Variants in IFT122 observed in about 807,000 individuals in gnomAD.
The protein encoded by IFT122 is intraflagellar transport 122.
In IFT122, 118 loss-of-function variants were observed where a neutral mutation model predicts 161.6. That is an observed-to-expected ratio of 0.73 (90% confidence interval 0.63 to 0.85). The LOEUF (loss-of-function observed/expected upper bound fraction) is 0.85, where lower values mean the gene tolerates loss of function less well. Ranked by LOEUF, IFT122 falls within the 40% of genes least tolerant of loss-of-function variation. The probability of loss-of-function intolerance (pLI) is 0.00; values close to 1 mark genes in which losing one functional copy is unlikely to be tolerated. For synonymous variants in IFT122, 550 were observed against 602.4 expected (o/e 0.91, Z 1.27); for missense variants, 1,381 against 1,579.6 (o/e 0.87, Z 2.13).
At chr3:129,480,603 T>TG (rs1393693343) in intron 13 of IFT122, among the ~76,000 whole-genome samples, 1 of 152,166 alleles carries the variant, frequency 6.6e-6, no homozygotes, top group African/African-American at 2.4e-5. Flanking sequence ...TCACAGGGCA[T>TG]GAGAGCAGTG....
chr3:129,493,839 C>T (rs1300491419), intron 17 of IFT122, among the ~76,000 whole-genome samples: 1 of 152,188 alleles, frequency 6.6e-6, no homozygotes, highest in East Asian at 1.9e-4. Flanking sequence ...TATTACTTGT[C>T]ACATCTTACT....
chr3:129,492,911 C>T (rs138482462), intron 17 of IFT122, among the ~76,000 whole-genome samples: 21 of 151,646 alleles, frequency 1.4e-4, no homozygotes, highest in African/African-American at 5.1e-4. Context: ...ATAGACCTCC[C>T]AGGCTCAAAT....
chr3:129,441,259 C>G (rs963946190), intron 1 of IFT122, among the ~76,000 whole-genome samples: 4 of 152,164 alleles, frequency 2.6e-5, no homozygotes, highest in African/African-American at 9.7e-5. Flanking sequence ...TTGGTTCTGT[C>G]CCTTCTGAGA....
At chr3:129,484,521 A>G (rs1323457506) in intron 15 of IFT122, among the ~76,000 whole-genome samples, 1 of 152,204 alleles carries the variant, frequency 6.6e-6, no homozygotes, top group Non-Finnish European at 1.5e-5. Flanking sequence ...CACTGCAAAT[A>G]CTTTTCATGA....
At chr3:129,514,333 G>A (rs1457547894) in intron 24 of IFT122, 56 bp from the exon 25 acceptor site, 2 of 1,595,040 alleles carry the variant, frequency 1.3e-6, no homozygotes, top group African/African-American at 2.7e-5. Flanking sequence ...AGGACAGGCA[G>A]TGCCAGCTCC....
At position 129,502,769 on chromosome 3, in the gene IFT122, G is replaced by A. The variant is rs201800117; in HGVS notation, c.2434G>A (p.Ala812Thr). ...KAEREPLLLC[A>T]TYLKKLDSPG... is the part of the protein sequence containing the mutation. ...TGAGCGCGAGCCCCTGCTGCTGTGC[G>A]CTACCTACCTCAAGAAGCTGGACAG... The change falls in exon 20 of 30, where the codon GCT (alanine) becomes ACT (threonine). Residue 812 changes from alanine (A) to threonine (T), a missense_variant. By Grantham distance (58) the Ala-to-Thr change is moderately conservative. This residue lies in a region of IFT122 where 496 missense variants were observed against 502.5 expected (regional missense o/e 0.99). Transcript: ENST00000348417. 8 of 1,612,372 alleles carry A rather than the reference G, an allele frequency of 5.0e-6. No individual in the cohort carries two copies. Among genetic ancestry groups the A allele is most frequent in the African/African-American group, 2.7e-5 (2 of 74,946 alleles).
At chr3:129,451,492 A>G (rs771046242) in intron 2 of IFT122, among the ~76,000 whole-genome samples, 4 of 152,196 alleles carry the variant, frequency 2.6e-5, no homozygotes, top group Admixed American at 6.5e-5. Flanking sequence ...AATTCTTGGT[A>G]GCAAATATGA....
chr3:129,479,980 C>A, intron 13 of IFT122, 58 bp downstream of exon 13: 3 of 1,604,268 alleles, frequency 1.9e-6, no homozygotes, highest in South Asian at 1.1e-5. Context: ...ACGTGGGTGA[C>A]CCGTCTAGCA....
At position 129,510,902 on chromosome 3, in the gene IFT122, A is replaced by G. The variant is rs1403464664; in HGVS notation, c.2887-1410A>G. On this transcript the variant is annotated intron_variant, in intron 23 of 29. Coordinates refer to ENST00000348417, the MANE Select transcript of IFT122 (RefSeq NM_052989.3). ...CAGTCCCAGTCTAGCAAACAGGACA[A>G]TCCCTCAGGGGAAACGTTTAGAGGC... 7.2e-5 allele frequency among the ~76,000 whole-genome samples: 11 copies of G among 152,338 alleles called. No homozygotes were observed. The South Asian group carries it at 8.3e-4, about 11-fold the overall frequency.
intron 2 of IFT122, among the ~76,000 whole-genome samples, chr3:129,450,387 A>T (rs996227239): frequency 6.6e-6 from 1 of 152,204 alleles, no homozygotes; most frequent in Non-Finnish European, 1.5e-5. Flanking sequence ...TTCAAATAAC[A>T]TAAGCTCCCT....
chr3:129,464,902 C>T lies in IFT122; in HGVS notation c.563+121C>T, dbSNP rs958580938. The T allele has an allele frequency of 2.7e-6, 3 of 1,127,858 alleles. No individual in the cohort carries two copies. In the South Asian group the frequency reaches 3.9e-5, roughly 14 times the overall value. 69.9% of individuals were successfully genotyped at this position (1,127,858 alleles called of 1,614,324 possible). On this transcript the variant is annotated intron_variant, in intron 7 of 29. Transcript: ENST00000348417. ...CTCACTTGAATGGTCTGTTTTAGAA[C>T]CTGTCCCATTTGTATGGATTTTTTT...
At chr3:129,451,125 G>A (rs1577228059) in intron 2 of IFT122, among the ~76,000 whole-genome samples, 2 of 152,016 alleles carry the variant, frequency 1.3e-5, no homozygotes, top group South Asian at 2.1e-4. Flanking sequence ...TAGAGACAGG[G>A]TTGTGCTCTG....
chr3:129,469,301 G>A, intron 8 of IFT122, 41 bp from the exon 9 acceptor site: 7 of 1,521,788 alleles, frequency 4.6e-6, no homozygotes, highest in South Asian at 1.1e-5. Context: ...TCATCAGCAG[G>A]CTGTGGCCCT....
chr3:129,481,609 G>C lies in IFT122; in HGVS notation c.1568G>C (p.Ser523Thr), dbSNP rs751216208. 13 of 1,596,434 alleles carry C rather than the reference G, an allele frequency of 8.1e-6. No homozygotes were observed. Among genetic ancestry groups the C allele is most frequent in the Non-Finnish European group, 1.1e-5 (13 of 1,163,858 alleles). The part of the protein sequence containing the change: ...QATAVRCLDM[S>T]ASRKKLAVVD... ...ACAGCTGTGCGCTGCTTGGACATGAGTGCCTCCCGTAAGAAGCTGGCCGTG... is the reference window on the plus strand; with the variant it reads ...ACAGCTGTGCGCTGCTTGGACATGACTGCCTCCCGTAAGAAGCTGGCCGTG... Residue 523 changes from serine to threonine, a missense_variant, in exon 14 of 30, where the codon AGT (serine) becomes ACT (threonine). Physicochemically the swap from Ser to Thr is moderately conservative, Grantham distance 58. This residue lies in a region of IFT122 where 544 missense variants were observed against 648.0 expected (regional missense o/e 0.84). Coordinates refer to ENST00000348417, the MANE Select transcript of IFT122 (RefSeq NM_052989.3).
At chr3:129,488,978 T>C (rs2079679436) in intron 16 of IFT122, among the ~76,000 whole-genome samples, 1 of 152,124 alleles carries the variant, frequency 6.6e-6, no homozygotes, top group South Asian at 2.1e-4. Context: ...GAGAGATGGC[T>C]GAAAACATCT....
intron 28 of IFT122, 32 bp from the exon 29 acceptor site, chr3:129,519,536 G>T: frequency 6.2e-7 from 1 of 1,611,410 alleles, no homozygotes; most frequent in South Asian, 1.1e-5. Context: ...GCTGAGTGAG[G>T]ACACTGTGCC....
chr3:129,492,567 A>T (rs1298056347), intron 17 of IFT122, among the ~76,000 whole-genome samples: 1 of 152,120 alleles, frequency 6.6e-6, no homozygotes, highest in Non-Finnish European at 1.5e-5. Context: ...GACTCCAGTA[A>T]TCTGATAGTG....
chr3:129,456,323 A>G (rs146047989), intron 3 of IFT122: 205 of 1,159,288 alleles, frequency 1.8e-4, no homozygotes, highest in African/African-American at 1.4e-3. Flanking sequence ...GCTCACCCTA[A>G]TATCTACTAT....
At chr3:129,470,560 C>A (rs866934097) in intron 9 of IFT122, among the ~76,000 whole-genome samples, 3 of 149,724 alleles carry the variant, frequency 2.0e-5, no homozygotes, top group Admixed American at 6.7e-5. Flanking sequence ...CCACCACGCC[C>A]GGCCTATGAT....
Sources: allele counts gnomAD v4.1 joint callset (sites outside exome capture counted in the v4.1 genomes callset), GRCh38; gene constraint gnomAD v4.1.1; regional missense constraint gnomAD v4.1.1; transcripts MANE v1.5; gene names NCBI Gene and HGNC (gene_info 2026-07-23, HGNC 2026-07-21).